ENTHD1: variants seen among roughly 807,000 people sequenced by gnomAD.
ENTHD1 encodes the protein ENTH domain-containing protein 1.
A neutral mutation model predicts 39.1 loss-of-function variants in ENTHD1; 23 were observed. The ratio of observed to expected loss-of-function variants is 0.59; its 90% CI spans 0.42 to 0.83. ENTHD1 has a LOEUF of 0.83. Among genes scored for constraint, ENTHD1 ranks in the 40% least tolerant of loss-of-function variants. The pLI, the probability that ENTHD1 is intolerant of heterozygous loss-of-function variation, is 0.00. For missense variants in ENTHD1, 624 were observed against 705.4 expected (o/e 0.88, Z 1.31); for synonymous variants, 230 against 258.2 (o/e 0.89, Z 1.05).
chr22:39,744,250 G>A lies in ENTHD1; in HGVS notation c.1253C>T (p.Ser418Phe). ...STASEGASSF[S>F]PLSMSSPDLA... is the part of the protein sequence containing the mutation. ...ATCAGGAGATGACATGGATAAAGGA[G>A]AAAAGGAAGATGCTCCCTCAGAAGC... The change falls in exon 7 of 7, where the codon TCT becomes TTT. Residue 418 changes from serine to phenylalanine, a missense_variant. By Grantham distance (155) the Ser-to-Phe change is radical (BLOSUM62 -2). Transcript: ENST00000325157. The A allele has an allele frequency of 6.2e-7, 1 of 1,605,440 alleles. No homozygotes were observed. The highest frequency in any genetic ancestry group is 1.1e-5 in the South Asian group (1 of 88,822).
chr22:39,765,891 C>T (rs1447851548), intron 5 of ENTHD1, among the ~76,000 whole-genome samples: 1 of 151,778 alleles, frequency 6.6e-6, no homozygotes, highest in Non-Finnish European at 1.5e-5. Context: ...ATATTTCTCC[C>T]TTCACCCACT....
intron 5 of ENTHD1, among the ~76,000 whole-genome samples, chr22:39,814,308 A>AAAAAAAAAAAAAAAAAAAAT (rs1569151625): frequency 6.6e-6 from 1 of 151,780 alleles, no homozygotes; most frequent in Admixed American, 6.6e-5. Context: ...AAAAAAAAAA[A>AAAAAAAAAAAAAAAAAAAAT]AAATAACCAG....
intron 5 of ENTHD1, among the ~76,000 whole-genome samples, chr22:39,784,313 A>T (rs367994706): frequency 1.3e-5 from 2 of 152,174 alleles, no homozygotes; most frequent in African/African-American, 2.4e-5. Context: ...TAAAAACAGT[A>T]CTGCCACTAT....
intron 4 of ENTHD1, among the ~76,000 whole-genome samples, chr22:39,823,012 T>G (rs1020419961): frequency 1.2e-4 from 19 of 152,348 alleles, no homozygotes; most frequent in African/African-American, 4.3e-4. Flanking sequence ...GAATCCTTTC[T>G]GATGCCCTTT....
rs770483413 is a variant in ENTHD1 at position 39,821,112 on chromosome 22, T to C, written c.713A>G (p.Asp238Gly). 6.2e-7 allele frequency: 1 copy of C among 1,613,762 alleles called. No homozygotes were observed. The highest frequency in any genetic ancestry group is 8.5e-7 in the Non-Finnish European group (1 of 1,179,842). Residue 238 changes from aspartate to glycine, a missense_variant and splice_region_variant, in exon 5 of 7, where the codon GAC becomes GGC. Transcript: ENST00000325157. ...ATCATCATCCAAAAATGTCATCAGG[T>C]CCTGACAGAAAACACAAGAACATGA... ...LKIHGWKSTE[D>G]LMTFLDDDPE... is the part of the protein sequence containing the mutation.
At chr22:39,823,884 AT>A (rs1223176466) in intron 4 of ENTHD1, among the ~76,000 whole-genome samples, 2 of 152,046 alleles carry the variant, frequency 1.3e-5, no homozygotes, top group Non-Finnish European at 2.9e-5. Context: ...TTTAAGTTAC[AT>A]TTTCCTGAAG....
chr22:39,864,009 T>C (rs2066164840), intron 2 of ENTHD1, among the ~76,000 whole-genome samples: 1 of 152,188 alleles, frequency 6.6e-6, no homozygotes, highest in South Asian at 2.1e-4. Flanking sequence ...TAAACACTCT[T>C]AGCTTCCTAT....
At chr22:39,819,528 G>T (rs1241718090) in intron 5 of ENTHD1, among the ~76,000 whole-genome samples, 2 of 151,940 alleles carry the variant, frequency 1.3e-5, no homozygotes, top group Non-Finnish European at 2.9e-5. Flanking sequence ...ACTATATGAT[G>T]TTCTGGAAAA....
chr22:39,765,578 A>G lies in ENTHD1; in HGVS notation c.864T>C (p.Pro288=). 6.2e-7 allele frequency: 1 copy of G among 1,613,190 alleles called. No homozygotes were observed. Among genetic ancestry groups the G allele is most frequent in the South Asian group, 1.1e-5 (1 of 90,992 alleles). The change falls in exon 6 of 7, where the codon CCT becomes CCC. Residue 288 remains proline (P), a synonymous_variant. Transcript: ENST00000325157. Reference sequence around the variant, plus strand: ...CCAAACTCACATCTCTCTGCCCAGAAGGACTATTTTCTGAGAGAGTAGGCA... The same window carrying G: ...CCAAACTCACATCTCTCTGCCCAGAGGGACTATTTTCTGAGAGAGTAGGCA... ...DAVPTLSENS[P]SGQRDVSLDK...
Position 39,887,684 on chromosome 22 carries a change from C to T in ENTHD1, c.65G>A (p.Arg22Lys), listed in dbSNP as rs772612938. Residue 22 changes from arginine (R) to lysine (K), a missense_variant, in exon 2 of 7, where the codon AGG becomes AAG. Physicochemically the swap from Arg to Lys is conservative, Grantham distance 26. Coordinates refer to ENST00000325157, the MANE Select transcript of ENTHD1 (RefSeq NM_152512.4). ...CCAAGGGTCGTTAGAAGTTGCTTCCCTGACTTTTATTTCAGCATCTGAGTA... is the reference window on the plus strand; with the variant it reads ...CCAAGGGTCGTTAGAAGTTGCTTCCTTGACTTTTATTTCAGCATCTGAGTA... ...KNYSDAEIKV[R>K]EATSNDPWGP... is the part of the protein sequence containing the mutation. 4.4e-6 allele frequency: 7 copies of T among 1,599,630 alleles called. No homozygotes were observed. In the Admixed American group the frequency reaches 1.1e-4, roughly 24 times the overall value.
intron 6 of ENTHD1, among the ~76,000 whole-genome samples, chr22:39,758,711 C>A (rs1328413504): frequency 6.6e-6 from 1 of 152,158 alleles, no homozygotes; most frequent in Non-Finnish European, 1.5e-5. Context: ...CAGGTGTGAG[C>A]CACCATATCT....
intron 2 of ENTHD1, among the ~76,000 whole-genome samples, chr22:39,881,755 G>C (rs2060002466): frequency 6.6e-6 from 1 of 152,140 alleles, no homozygotes; most frequent in Non-Finnish European, 1.5e-5. Context: ...GTACAACAAG[G>C]AGGCCAGGCT....
chr22:39,856,852 CAAAA>C (rs34627331), intron 3 of ENTHD1, among the ~76,000 whole-genome samples: 8 of 70,326 alleles, frequency 1.1e-4, no homozygotes, highest in African/African-American at 3.4e-4. Context: ...GACCCTGTCT[CAAAA>C]AAAAAAAAAA....
At chr22:39,881,686 TATGTCAG>T (rs2066339851) in intron 2 of ENTHD1, among the ~76,000 whole-genome samples, 2 of 152,070 alleles carry the variant, frequency 1.3e-5, no homozygotes, top group Non-Finnish European at 2.9e-5. Flanking sequence ...GAATATACAC[TATGTCAG>T]ATGAGAAGCG....
At chr22:39,807,849 CTTGTT>C (rs1176885811) in intron 5 of ENTHD1, among the ~76,000 whole-genome samples, 6 of 151,466 alleles carry the variant, frequency 4.0e-5, no homozygotes, top group East Asian at 1.9e-4. Context: ...CTGTGAAACT[CTTGTT>C]TTAGGGGTGT....
At chr22:39,878,308 A>C (rs541825640) in intron 2 of ENTHD1, among the ~76,000 whole-genome samples, 1 of 152,290 alleles carries the variant, frequency 6.6e-6, no homozygotes, top group East Asian at 1.9e-4. Context: ...CAGAATATCC[A>C]AGAACTATGG....
At chr22:39,881,979 C>T (rs2066342269) in intron 2 of ENTHD1, among the ~76,000 whole-genome samples, 1 of 152,212 alleles carries the variant, frequency 6.6e-6, no homozygotes, top group African/African-American at 2.4e-5. Flanking sequence ...GTAACTAGGG[C>T]AGACTCCAGA....
intron 3 of ENTHD1, among the ~76,000 whole-genome samples, chr22:39,855,648 C>T (rs1443552764): frequency 6.6e-6 from 1 of 151,682 alleles, no homozygotes; most frequent in African/African-American, 2.4e-5. Context: ...TTTCAATCTC[C>T]CTTCCTTTCT....
chr22:39,751,359 G>A (rs1228157703), intron 6 of ENTHD1: 1 of 153,176 alleles, frequency 6.5e-6, no homozygotes, highest in African/African-American at 2.4e-5. Flanking sequence ...CACTTCAAAG[G>A]ATCTTCTCTT....
Sources: allele counts gnomAD v4.1 joint callset (sites outside exome capture counted in the v4.1 genomes callset), GRCh38; gene constraint gnomAD v4.1.1; transcripts MANE v1.5; gene names NCBI Gene and HGNC (gene_info 2026-07-23, HGNC 2026-07-21).